The following KIF24 variants were observed in gnomAD, a reference collection of about 807,000 sequenced individuals.
KIF24 encodes kinesin-like protein KIF24.
Under a neutral mutation model 118.9 loss-of-function variants are expected in KIF24, and 81 were observed. The ratio of observed to expected loss-of-function variants is 0.68; its 90% CI spans 0.57 to 0.82. KIF24 has a LOEUF of 0.82. KIF24 is among the 40% of genes least tolerant of loss of function. The pLI is 0.00. For synonymous variants in KIF24, 599 were observed against 610.0 expected (o/e 0.98, Z 0.27); for missense variants, 1,560 against 1,661.6 (o/e 0.94, Z 1.06).
chr9:34,313,016 A>G (rs930225378), intron 1 of KIF24, among the ~76,000 whole-genome samples: 41 of 152,338 alleles, frequency 2.7e-4, no homozygotes, highest in Middle Eastern at 3.4e-3. Flanking sequence ...TGTTTTGTGA[A>G]GGCAGATTTG....
At chr9:34,287,615 C>A (rs558512710) in intron 5 of KIF24, among the ~76,000 whole-genome samples, 19 of 152,240 alleles carry the variant, frequency 1.2e-4, no homozygotes, top group African/African-American at 3.8e-4. Flanking sequence ...TAATTTTTTT[C>A]TCAGTCTATG....
chr9:34,287,652 C>A (rs575892065), intron 5 of KIF24, among the ~76,000 whole-genome samples: 1 of 152,260 alleles, frequency 6.6e-6, no homozygotes, highest in South Asian at 2.1e-4. Flanking sequence ...CAGATCTCTA[C>A]AGAAGGATTG....
intron 3 of KIF24, among the ~76,000 whole-genome samples, 196 bp from the exon 4 acceptor site, chr9:34,297,310 T>TA (rs1400554564): frequency 6.6e-6 from 1 of 152,222 alleles, no homozygotes; most frequent in Non-Finnish European, 1.5e-5. Context: ...GACATGTTCT[T>TA]ACAAGGTAAA....
rs1422687446 is a variant in KIF24, at chr9:34,255,208, A to C, written c.3873-43T>G. ...AACACTGTGATCTTCCTGGCCTCCC[A>C]GCCTCTCCTGGGTAGCTTTCTGGAG... On this transcript the variant is annotated intron_variant, in intron 11 of 12. Transcript: ENST00000402558. 4 of 1,224,328 alleles carry C rather than the reference A, an allele frequency of 3.3e-6. No homozygotes were observed. The Admixed American group carries it at 7.9e-5, about 24-fold the overall frequency. The allele number at this position is 1,224,328 out of a possible 1,614,324, so 75.8% of individuals were successfully genotyped here.
At chr9:34,300,321 T>C (rs1458596946) in intron 3 of KIF24, among the ~76,000 whole-genome samples, 1 of 152,122 alleles carries the variant, frequency 6.6e-6, no homozygotes, top group Non-Finnish European at 1.5e-5. Context: ...AAACTTTTGA[T>C]TAAGCTTAAA....
At chr9:34,261,887 T>C (rs944295171) in intron 9 of KIF24, among the ~76,000 whole-genome samples, 1 of 152,202 alleles carries the variant, frequency 6.6e-6, no homozygotes, top group African/African-American at 2.4e-5. Flanking sequence ...ATCAGGTAGC[T>C]ACGTCACCCT....
At chr9:34,267,594 CAG>C (rs1374842257) in intron 8 of KIF24, among the ~76,000 whole-genome samples, 3 of 151,622 alleles carry the variant, frequency 2.0e-5, no homozygotes, top group Admixed American at 2.0e-4. Flanking sequence ...GAAAAAGAAA[CAG>C]ATAAAATTAA....
rs1055467582 is a variant in KIF24, at chr9:34,255,086, G to A, written c.3952C>T (p.Gln1318Ter). ...GGGCTACTTACATTAGAAGCCAGCT[G>A]GCTCATCAGCGTCTCCTCCTTGAAG... ...LGFKEETLMS[Q>*]LASNDFEDFV... The change falls in exon 12 of 13, where the codon CAG (glutamine) becomes TAG (stop). Residue 1318 changes from glutamine to a stop codon, truncating the protein, a stop_gained. Transcript: ENST00000402558. LOFTEE classifies it high-confidence loss of function. 2 of 1,590,552 alleles carry A rather than the reference G, an allele frequency of 1.3e-6. No homozygotes were observed. Among genetic ancestry groups the A allele is most frequent in the Non-Finnish European group, 1.7e-6 (2 of 1,168,008 alleles).
rs891659980 is a variant in KIF24 at position 34,318,829 on chromosome 9, C to T, written c.-25-7458G>A. 16 of 1,593,704 alleles carry T rather than the reference C, an allele frequency of 1.0e-5. No individual in the cohort carries two copies. The highest frequency in any genetic ancestry group is 6.7e-5 in the Admixed American group (4 of 59,848). ...TGTAGGGACCCAGCTCAGTGAGTTT[C>T]GCTGATGACTTCGTGCGCAGCAGCA... On this transcript the variant is annotated intron_variant, in intron 1 of 12. Coordinates refer to ENST00000402558, the MANE Select transcript of KIF24 (RefSeq NM_194313.4). This position sits in a 1 kb window ranked among gnomAD's most constrained non-coding sequence, Gnocchi z 4.9.
In KIF24 at chr9:34,310,751, T is replaced by G. The variant is rs760404769; in HGVS notation, c.596A>C (p.Asn199Thr). The G allele has an allele frequency of 6.8e-6, 11 of 1,608,252 alleles. No homozygotes were observed. The highest frequency in any genetic ancestry group is 9.3e-6 in the Non-Finnish European group (11 of 1,177,076). The change falls in exon 2 of 13, where the codon AAC (asparagine) becomes ACC (threonine). Residue 199 changes from asparagine (N) to threonine (T), a missense_variant. Physicochemically the swap from Asn to Thr is moderately conservative, Grantham distance 65. Transcript: ENST00000402558. Reference protein sequence around the residue: ...IQRISHVSGYNYGIPHSCIRQ... With the variant: ...IQRISHVSGYTYGIPHSCIRQ... ...GATACAAGAATGAGGGATTCCATAG[T>G]TATACCCTGAAACATGAGAGATTCT...
upstream of KIF24, among the ~76,000 whole-genome samples, chr9:34,331,226 G>A (rs1837923323): frequency 6.6e-6 from 1 of 152,180 alleles, no homozygotes; most frequent in South Asian, 2.1e-4. Flanking sequence ...CAGTTTAACA[G>A]ACAAGATGAA....
intron 8 of KIF24, among the ~76,000 whole-genome samples, chr9:34,268,091 T>C (rs1835359983): frequency 6.6e-6 from 1 of 152,220 alleles, no homozygotes; most frequent in African/African-American, 2.4e-5. Flanking sequence ...TATTGGATAA[T>C]AAAGAATTAC....
At chr9:34,259,548 A>G in intron 10 of KIF24, 48 bp downstream of exon 10, 1 of 1,377,404 alleles carries the variant, frequency 7.3e-7, no homozygotes, top group Non-Finnish European at 1.0e-6. Context: ...CTGCACAGAC[A>G]TGCACATGCA....
upstream of KIF24, among the ~76,000 whole-genome samples, chr9:34,331,468 T>G (rs17259817): frequency 0.039 from 5,932 of 152,330 alleles, 161 homozygotes; most frequent in Middle Eastern, 0.068. Flanking sequence ...CCTTTCTGAC[T>G]GCATAGACAG....
chr9:34,319,637 G>A (rs1448122195), intron 1 of KIF24: 1 of 868,986 alleles, frequency 1.2e-6, no homozygotes, highest in Non-Finnish European at 2.0e-6. Context: ...AGGTTGACAA[G>A]ATGCAAGACG....
chr9:34,304,274 C>A (rs1329776887), intron 3 of KIF24, among the ~76,000 whole-genome samples: 1 of 152,128 alleles, frequency 6.6e-6, no homozygotes, highest in African/African-American at 2.4e-5. Context: ...GTCTTCCCAG[C>A]ATTTTTATAT....
At chr9:34,314,170 ATTG>A (rs1837263702) in intron 1 of KIF24, among the ~76,000 whole-genome samples, 1 of 149,518 alleles carries the variant, frequency 6.7e-6, no homozygotes, top group Admixed American at 6.7e-5. Flanking sequence ...GTTGTTGTTT[ATTG>A]TTTGTTTTTT....
At position 34,278,350 on chromosome 9, in the gene KIF24, C is replaced by T. The variant is rs748363765; in HGVS notation, c.1216-6420G>A. Among the ~76,000 whole-genome samples the T allele has an allele frequency of 6.3e-4, 96 of 152,148 alleles. 1 individual carries two copies. Among genetic ancestry groups the T allele is most frequent in the Middle Eastern group, 3.4e-3 (1 of 294 alleles). On this transcript the variant is annotated intron_variant, in intron 6 of 12. Coordinates refer to ENST00000402558, the MANE Select transcript of KIF24 (RefSeq NM_194313.4). ...CCTTGAACCTGGGAGGCAGAGGTTGCGGTGAGTCAAGATCATGCCACTGCA... is the reference window on the plus strand; with the variant it reads ...CCTTGAACCTGGGAGGCAGAGGTTGTGGTGAGTCAAGATCATGCCACTGCA...
At chr9:34,275,011 G>C (rs1835606497) in intron 6 of KIF24, among the ~76,000 whole-genome samples, 1 of 152,136 alleles carries the variant, frequency 6.6e-6, no homozygotes, top group South Asian at 2.1e-4. Flanking sequence ...AGGGTAGTGG[G>C]GATGTAGGGG....
Sources: allele counts gnomAD v4.1 joint callset (sites outside exome capture counted in the v4.1 genomes callset), GRCh38; gene constraint gnomAD v4.1.1; non-coding constraint Gnocchi (gnomAD v3.1); transcripts MANE v1.5; gene names NCBI Gene and HGNC (gene_info 2026-07-23, HGNC 2026-07-21).